VWA8: variants seen among roughly 807,000 people sequenced by gnomAD.
VWA8 encodes von Willebrand factor A domain-containing protein 8.
A neutral mutation model predicts 241.5 loss-of-function variants in VWA8; 221 were observed. The observed-to-expected ratio is 0.91, with a 90% CI of 0.82 to 1.02. The LOEUF (loss-of-function observed/expected upper bound fraction) is 1.02, where lower values mean the gene tolerates loss of function less well. Ranked by LOEUF, VWA8 falls within the 50% of genes least tolerant of loss-of-function variation. The pLI is 0.00. For synonymous variants in VWA8, 852 were observed against 827.1 expected (o/e 1.03, Z -0.52); for missense variants, 2,322 against 2,328.7 (o/e 1.00, Z 0.06).
At chr13:41,749,097 G>T (rs2045633362) in intron 21 of VWA8, among the ~76,000 whole-genome samples, 1 of 152,078 alleles carries the variant, frequency 6.6e-6, no homozygotes, top group Non-Finnish European at 1.5e-5. Context: ...GAAAATTTTT[G>T]CAATCTACTC....
intron 37 of VWA8, among the ~76,000 whole-genome samples, chr13:41,654,110 T>C (rs1392946177): frequency 2.6e-5 from 4 of 152,162 alleles, no homozygotes; most frequent in Admixed American, 6.5e-5. Context: ...TACCTTAGAA[T>C]GCCAACTAAT....
intron 38 of VWA8, among the ~76,000 whole-genome samples, chr13:41,613,878 T>G (rs548013844): frequency 6.6e-6 from 1 of 152,160 alleles, no homozygotes; most frequent in South Asian, 2.1e-4. Flanking sequence ...AAAGAGAAAT[T>G]GAAGCCAAGG....
At chr13:41,674,964 C>G (rs1046253320) in intron 36 of VWA8, among the ~76,000 whole-genome samples, 3 of 151,836 alleles carry the variant, frequency 2.0e-5, no homozygotes, top group Non-Finnish European at 4.4e-5. Flanking sequence ...ACAGATCAAA[C>G]AAAAGAGAAC....
At chr13:41,599,740 T>C (rs1022949801) in intron 40 of VWA8, among the ~76,000 whole-genome samples, 1 of 152,122 alleles carries the variant, frequency 6.6e-6, no homozygotes, top group African/African-American at 2.4e-5. Flanking sequence ...CATCACCACA[T>C]CATTTCTTAT....
chr13:41,941,815 C>T (rs889013948), intron 2 of VWA8, among the ~76,000 whole-genome samples: 2 of 152,136 alleles, frequency 1.3e-5, no homozygotes, highest in Admixed American at 6.5e-5. Flanking sequence ...AAACAATCAC[C>T]CCTATACAGT....
At chr13:41,897,146 A>G (rs1323031969) in intron 4 of VWA8, among the ~76,000 whole-genome samples, 3 of 152,186 alleles carry the variant, frequency 2.0e-5, no homozygotes, top group Non-Finnish European at 4.4e-5. Context: ...CTCCCTTTCC[A>G]GGACTAAGCG....
intron 37 of VWA8, among the ~76,000 whole-genome samples, chr13:41,648,612 T>G (rs1440190756): frequency 2.0e-5 from 3 of 152,246 alleles, no homozygotes. Context: ...CAATAGCTCT[T>G]GCTTGAAGCT....
At chr13:41,664,430 T>TGTGTG in intron 37 of VWA8, among the ~76,000 whole-genome samples, 2 of 149,894 alleles carry the variant, frequency 1.3e-5, no homozygotes, top group African/African-American at 2.5e-5. Context: ...TGTGTGTGTG[T>TGTGTG]TCCATTTGTT....
At chr13:41,812,430 G>C (rs1166797689) in intron 16 of VWA8, among the ~76,000 whole-genome samples, 1 of 152,100 alleles carries the variant, frequency 6.6e-6, no homozygotes, top group Non-Finnish European at 1.5e-5. Flanking sequence ...AGGCAGGTCA[G>C]TATGAAATGT....
intron 36 of VWA8, among the ~76,000 whole-genome samples, chr13:41,672,738 C>T (rs143036566): frequency 6.6e-6 from 1 of 152,272 alleles, no homozygotes; most frequent in East Asian, 1.9e-4. Context: ...AGCTACTTTA[C>T]AGGACTCCCA....
intron 9 of VWA8, among the ~76,000 whole-genome samples, chr13:41,875,785 A>C (rs1873869625): frequency 6.6e-6 from 1 of 152,016 alleles, no homozygotes; most frequent in Non-Finnish European, 1.5e-5. Context: ...CATCACTTGC[A>C]TGACTTTACA....
At chr13:41,889,568 G>A (rs1041866380) in intron 5 of VWA8, among the ~76,000 whole-genome samples, 2 of 151,954 alleles carry the variant, frequency 1.3e-5, no homozygotes, top group Non-Finnish European at 2.9e-5. Flanking sequence ...TAGTAGAAAC[G>A]AGGTTTTACC....
chr13:41,934,259 A>C (rs1045550643), intron 2 of VWA8, among the ~76,000 whole-genome samples: 1 of 152,000 alleles, frequency 6.6e-6, no homozygotes, highest in African/African-American at 2.4e-5. Flanking sequence ...ATTTAAAATC[A>C]CTGTGAGATA....
At chr13:41,740,805 C>T (rs1395876859) in intron 21 of VWA8, among the ~76,000 whole-genome samples, 5 of 152,154 alleles carry the variant, frequency 3.3e-5, no homozygotes, top group South Asian at 2.1e-4. Flanking sequence ...TCATTTGTCC[C>T]GTTTTCTCAT....
intron 26 of VWA8, among the ~76,000 whole-genome samples, chr13:41,707,071 G>A (rs933660212): frequency 1.3e-5 from 2 of 152,124 alleles, no homozygotes; most frequent in Non-Finnish European, 2.9e-5. Flanking sequence ...CTAAAAGAAA[G>A]GTGAGTATCA....
intron 4 of VWA8, among the ~76,000 whole-genome samples, chr13:41,896,012 A>T (rs1437237756): frequency 2.6e-5 from 4 of 152,038 alleles, no homozygotes; most frequent in Non-Finnish European, 5.9e-5. Context: ...AAAATTCTGT[A>T]AAAGAAGAGC....
chr13:41,759,137 G>T (rs950854414), intron 21 of VWA8, among the ~76,000 whole-genome samples: 38 of 151,410 alleles, frequency 2.5e-4, no homozygotes, highest in African/African-American at 8.5e-4. Context: ...CATTACACAG[G>T]TCTGCTGATA....
At chr13:41,747,558 ACTT>A (rs1049140783) in intron 21 of VWA8, among the ~76,000 whole-genome samples, 1 of 152,116 alleles carries the variant, frequency 6.6e-6, no homozygotes, top group Non-Finnish European at 1.5e-5. Context: ...GGACAATTTG[ACTT>A]CTTCTTTTCC....
In VWA8 at chr13:41,850,601, A is replaced by G. The variant is rs567406378; in HGVS notation, c.1425+15135T>C. 7.2e-5 allele frequency among the ~76,000 whole-genome samples: 11 copies of G among 152,336 alleles called. No individual in the cohort carries two copies. The South Asian group carries it at 8.3e-4, about 11-fold the overall frequency. On this transcript the variant is annotated intron_variant, in intron 12 of 44. Transcript: ENST00000379310. ...TTAGTTGATAGGCCCACTCACCTGC[A>G]GAGTCAGGCACCAGGCCAGTCCACC... is the stretch of plus-strand genomic sequence containing the variant.
Sources: gnomAD v4.1 joint callset for allele counts (sites outside exome capture counted in the v4.1 genomes callset) on GRCh38, gnomAD v4.1.1 for gene constraint, MANE v1.5 for transcripts, NCBI Gene and HGNC (gene_info 2026-07-23, HGNC 2026-07-21) for gene names.